MYO1H: variants seen among roughly 807,000 people sequenced by gnomAD.
MYO1H encodes unconventional myosin-Ih.
In MYO1H, 118 loss-of-function variants were observed where a neutral mutation model predicts 149.3. The ratio of observed to expected loss-of-function variants is 0.79; its 90% CI spans 0.68 to 0.92. The LOEUF is 0.92. Among genes scored for constraint, MYO1H ranks in the 40% least tolerant of loss-of-function variants. MYO1H has a pLI of 0.00. For synonymous variants in MYO1H, 447 were observed against 465.2 expected (o/e 0.96, Z 0.50); for missense variants, 1,212 against 1,280.7 (o/e 0.95, Z 0.82).
chr12:109,430,716 A>G (rs766072212), intron 19 of MYO1H, among the ~76,000 whole-genome samples: 23 of 151,886 alleles, frequency 1.5e-4, no homozygotes, highest in Non-Finnish European at 3.1e-4. Context: ...ACCTGAGGTG[A>G]GGAGCTTGAA....
chr12:109,318,967 G>GTTTTTTTTTTTTTTTTTTTTTTT, the MYO1H span, among the ~76,000 whole-genome samples: 13 of 79,594 alleles, frequency 1.6e-4, 1 homozygote, highest in African/African-American at 3.6e-4. Flanking sequence ...TGCGTTTTTG[G>GTTTTTTTTTTTTTTTTTTTTTTT]TTTTGTTTTT....
At chr12:109,332,192 G>C in the MYO1H span, among the ~76,000 whole-genome samples, 5 of 152,114 alleles carry the variant, frequency 3.3e-5, no homozygotes, top group Non-Finnish European at 7.4e-5. Flanking sequence ...AGTTAGAATT[G>C]GTCTGCTTAC....
chr12:109,318,910 G>A, the MYO1H span, among the ~76,000 whole-genome samples: 2 of 151,166 alleles, frequency 1.3e-5, no homozygotes, highest in Non-Finnish European at 1.5e-5. Context: ...AATGATGGGC[G>A]GGAGTGAGGG....
intron 30 of MYO1H, among the ~76,000 whole-genome samples, chr12:109,444,765 G>A (rs1433207112): frequency 6.6e-6 from 1 of 151,858 alleles, no homozygotes; most frequent in Non-Finnish European, 1.5e-5. Context: ...TACTTGGGAG[G>A]CCTGAGGCAC....
chr12:109,376,197 A>C (rs1301702198), intron 1 of MYO1H, among the ~76,000 whole-genome samples: 1 of 152,164 alleles, frequency 6.6e-6, no homozygotes, highest in Non-Finnish European at 1.5e-5. Context: ...CAACACAATC[A>C]ATTTTAGAGC....
chr12:109,442,997 GAA>G (rs35940183), intron 27 of MYO1H, among the ~76,000 whole-genome samples: 9,182 of 67,840 alleles, frequency 0.14, 1,612 homozygotes, highest in South Asian at 0.3. Flanking sequence ...AGAGAGCCAG[GAA>G]AAAAAAAAAA....
At chr12:109,381,260 C>G (rs944542043) in intron 1 of MYO1H, among the ~76,000 whole-genome samples, 10 of 151,964 alleles carry the variant, frequency 6.6e-5, no homozygotes, top group Non-Finnish European at 1.0e-4. Context: ...CAGAAGGACT[C>G]GAATCACTCA....
At chr12:109,432,408 G>A (rs113045793) in intron 19 of MYO1H, among the ~76,000 whole-genome samples, 1 of 152,106 alleles carries the variant, frequency 6.6e-6, no homozygotes, top group Non-Finnish European at 1.5e-5. Flanking sequence ...CAGGCATGAG[G>A]CACCATACCC....
chr12:109,357,574 A>G (rs1430519339), intron 1 of MYO1H, among the ~76,000 whole-genome samples: 2 of 152,242 alleles, frequency 1.3e-5, no homozygotes, highest in African/African-American at 4.8e-5. Flanking sequence ...CTGTGTTCCA[A>G]TAAAACTTTA....
At chr12:109,442,862 C>T (rs1317562069) in intron 27 of MYO1H, among the ~76,000 whole-genome samples, 1 of 143,202 alleles carries the variant, frequency 7.0e-6, no homozygotes, top group Non-Finnish European at 1.5e-5. Context: ...TTGGATTACA[C>T]TGTGGCTGTG....
intron 15 of MYO1H, among the ~76,000 whole-genome samples, chr12:109,417,838 C>T (rs184498171): frequency 9.3e-5 from 14 of 150,052 alleles, no homozygotes; most frequent in African/African-American, 2.7e-4. Flanking sequence ...TTTTTTGAGA[C>T]GGAGTCTCGC....
chr12:109,398,893 G>A (rs1870031744), intron 5 of MYO1H, among the ~76,000 whole-genome samples: 1 of 152,120 alleles, frequency 6.6e-6, no homozygotes, highest in African/African-American at 2.4e-5. Context: ...CAGTCGCAAT[G>A]ACCCAAGTCC....
exon 32 of MYO1H, chr12:109,447,240 A>C: frequency 6.8e-7 from 1 of 1,481,276 alleles, no homozygotes. Flanking sequence ...AGGAAACTAC[A>C]GGGGAAGTGG....
chr12:109,446,733 C>T lies in MYO1H; in HGVS notation c.3094-426C>T, dbSNP rs567467526. 2.3e-3 allele frequency among the ~76,000 whole-genome samples: 355 copies of T among 152,344 alleles called. 1 individual carries two copies. The highest frequency in any genetic ancestry group is 3.1e-3 in the Non-Finnish European group (208 of 68,032). ...GAGCTGAGATCGCACCACTACACTC[C>T]AGCCTGGGCGATAGAGTGAGACTCC... On this transcript the variant is annotated intron_variant, in intron 31 of 31. Coordinates refer to ENST00000310903, the Ensembl canonical transcript of MYO1H.
At chr12:109,414,537 T>C (rs975596289) in intron 14 of MYO1H, among the ~76,000 whole-genome samples, 4 of 150,950 alleles carry the variant, frequency 2.6e-5, no homozygotes, top group Non-Finnish European at 4.4e-5. Context: ...TGAAAACTGA[T>C]GTTTTATGAG....
At chr12:109,310,853 G>A in the MYO1H span, among the ~76,000 whole-genome samples, 1 of 152,202 alleles carries the variant, frequency 6.6e-6, no homozygotes, top group African/African-American at 2.4e-5. Flanking sequence ...TGTTAGTTGA[G>A]GTCACAGTCA....
intron 1 of MYO1H, among the ~76,000 whole-genome samples, chr12:109,359,019 A>G (rs1377751633): frequency 6.6e-6 from 1 of 152,014 alleles, no homozygotes; most frequent in Non-Finnish European, 1.5e-5. Context: ...GATGTATAGC[A>G]AGTGTTTCAA....
intron 31 of MYO1H, 166 bp from the exon 32 acceptor site, chr12:109,446,993 C>G (rs1277968261): frequency 2.9e-6 from 2 of 692,134 alleles, no homozygotes; most frequent in Non-Finnish European, 2.6e-6. Flanking sequence ...TGACAGGCCT[C>G]GATGAGCCAG....
chr12:109,318,983 T>TTTTTTGTTTTTTTTGTTTTTTTTG, the MYO1H span, among the ~76,000 whole-genome samples: 241 of 144,868 alleles, frequency 1.7e-3, 11 homozygotes, highest in African/African-American at 6.0e-3. Context: ...TTTTTTTTTT[T>TTTTTTGTTTTTTTTGTTTTTTTTG]TTTTTTTTTT....
Sources: gnomAD v4.1 joint callset for allele counts (sites outside exome capture counted in the v4.1 genomes callset) on GRCh38, gnomAD v4.1.1 for gene constraint, MANE v1.5 for transcripts, NCBI Gene and HGNC (gene_info 2026-07-23, HGNC 2026-07-21) for gene names.